The following TRPC1 variants were observed in gnomAD, a reference collection of about 807,000 sequenced individuals.
TRPC1 encodes the protein short transient receptor potential channel 1.
TRPC1 carries 42 observed loss-of-function variants against 88.2 expected under a neutral mutation model. That is an observed-to-expected ratio of 0.48 (90% confidence interval 0.37 to 0.62). TRPC1 has a LOEUF of 0.62. TRPC1 is among the 20% of genes least tolerant of loss of function. The pLI is 0.00. For missense variants in TRPC1, 699 were observed against 957.3 expected, an observed-to-expected ratio of 0.73 and a Z score of 3.56; for synonymous variants, 288 against 331.8, an observed-to-expected ratio of 0.87 and a Z score of 1.43.
chr3:142,741,636 C>T (rs1329689297), intron 2 of TRPC1, among the ~76,000 whole-genome samples: 4 of 152,120 alleles, frequency 2.6e-5, no homozygotes, highest in African/African-American at 9.7e-5. Context: ...TTCTTTTATT[C>T]AGTAAAGATC....
At position 142,803,381 on chromosome 3, in the gene TRPC1, T is replaced by C. The variant is rs781266250; in HGVS notation, c.1758-596T>C. ...GTTCAAGAAAAAGCCAGGCAGCCAG[T>C]GTGGATGGAATGTGTTGAATCAGAG... is the stretch of plus-strand genomic sequence containing the variant. On this transcript the variant is annotated intron_variant, in intron 10 of 12. Transcript: ENST00000476941. 2.0e-5 allele frequency among the ~76,000 whole-genome samples: 3 copies of C among 152,122 alleles called. No homozygotes were observed. The South Asian group carries it at 6.2e-4, about 32-fold the overall frequency.
intron 4 of TRPC1, among the ~76,000 whole-genome samples, chr3:142,764,204 C>T (rs912166536): frequency 4.0e-5 from 6 of 151,384 alleles, no homozygotes; most frequent in African/African-American, 1.2e-4. Context: ...TTTTATATTA[C>T]CTATTTCTTA....
chr3:142,805,135 C>T lies in TRPC1; in HGVS notation c.2154+505C>T, dbSNP rs879699871. On this transcript the variant is annotated intron_variant, in intron 12 of 12. Coordinates refer to ENST00000476941, the MANE Select transcript of TRPC1 (RefSeq NM_001251845.2). ...AAACAAACAAATATATATATACACA[C>T]ACACACACACACACACACACACACA... Among the ~76,000 whole-genome samples, 996 of 81,520 alleles carry T rather than the reference C, an allele frequency of 0.012. 16 individuals are homozygous for T. The East Asian group carries it at 0.13, about 11-fold the overall frequency. 53.5% of individuals were successfully genotyped at this position (81,520 alleles called of 152,430 possible).
At chr3:142,782,710 G>A (rs1412437456) in intron 6 of TRPC1, among the ~76,000 whole-genome samples, 4 of 151,976 alleles carry the variant, frequency 2.6e-5, no homozygotes, top group African/African-American at 9.7e-5. Flanking sequence ...TGCTCAGATG[G>A]GTGAGTCCAC....
chr3:142,724,405 C>A lies in TRPC1; in HGVS notation c.-155C>A. 1.6e-6 allele frequency: 1 copy of A among 623,220 alleles called. No individual in the cohort carries two copies. The highest frequency in any genetic ancestry group is 2.5e-6 in the Non-Finnish European group (1 of 397,768). The allele number at this position is 623,220 out of a possible 1,614,324, so 38.6% of individuals were successfully genotyped here. ...GGCGAGTGCTGGTTCTCAGGGGAGG[C>A]GACGCCCTTCGGGGCCAACGGGCCT... On this transcript the variant is annotated 5_prime_UTR_variant, in exon 1 of 13. Transcript: ENST00000476941. This position sits in a 1 kb window ranked among gnomAD's most constrained non-coding sequence, Gnocchi z 5.6.
chr3:142,774,715 AT>A (rs150744089), intron 4 of TRPC1, among the ~76,000 whole-genome samples: 16 of 148,428 alleles, frequency 1.1e-4, no homozygotes, highest in South Asian at 6.4e-4. Flanking sequence ...AGTTTTATGT[AT>A]TTTTTTTTTG....
intron 4 of TRPC1, among the ~76,000 whole-genome samples, 178 bp from the exon 5 acceptor site, chr3:142,777,454 A>G (rs556517006): frequency 6.6e-6 from 1 of 152,192 alleles, no homozygotes; most frequent in Non-Finnish European, 1.5e-5. Context: ...TTCAATATTT[A>G]TATCTCAAAA....
chr3:142,736,637 C>A, intron 2 of TRPC1, 104 bp downstream of exon 2: 1 of 996,694 alleles, frequency 1.0e-6, no homozygotes, highest in Admixed American at 2.9e-5. Flanking sequence ...CCTCTTCTTC[C>A]TTTCTTTTTC....
At chr3:142,772,945 C>T (rs1408177953) in intron 4 of TRPC1, among the ~76,000 whole-genome samples, 1 of 152,202 alleles carries the variant, frequency 6.6e-6, no homozygotes, top group African/African-American at 2.4e-5. Flanking sequence ...TTCATGTTCA[C>T]ATGACATTCT....
intron 2 of TRPC1, 63 bp from the exon 3 acceptor site, chr3:142,743,422 T>A: frequency 3.3e-6 from 4 of 1,218,500 alleles, no homozygotes; most frequent in Non-Finnish European, 4.5e-6. Context: ...TATGAATTAG[T>A]AAAAAGAAGT....
rs762854141 is a variant in TRPC1 at position 142,806,178 on chromosome 3, A to G, written c.2325A>G (p.Ile775Met). ...RQDLSKFRNE[I>M]RDLLGFRTSK... ...ATCTGTCAAAATTCCGAAATGAAAT[A>G]AGGGATTTACTTGGCTTTCGGACTT... Residue 775 changes from isoleucine (I) to methionine (M), a missense_variant, in exon 13 of 13, where the codon ATA becomes ATG. By Grantham distance (10) the Ile-to-Met change is conservative. This residue lies in a region of TRPC1 where 105 missense variants were observed against 141.7 expected (regional missense o/e 0.74). Coordinates refer to ENST00000476941, the MANE Select transcript of TRPC1 (RefSeq NM_001251845.2). 106 of 1,613,616 alleles carry G rather than the reference A, an allele frequency of 6.6e-5. No individual in the cohort carries two copies. Among genetic ancestry groups the G allele is most frequent in the Non-Finnish European group, 8.6e-5 (102 of 1,179,710 alleles).
chr3:142,777,873 TAC>T (rs1278619527), intron 5 of TRPC1, 110 bp downstream of exon 5: 2 of 1,188,316 alleles, frequency 1.7e-6, no homozygotes, highest in East Asian at 2.8e-5. Context: ...CCAAGAACAC[TAC>T]ACCTTGTTGC....
At chr3:142,797,512 T>C (rs1936489837) in intron 9 of TRPC1, among the ~76,000 whole-genome samples, 2 of 152,104 alleles carry the variant, frequency 1.3e-5, no homozygotes, top group South Asian at 4.1e-4. Flanking sequence ...TCAACATTTA[T>C]GGTACTTGAA....
At chr3:142,731,593 C>T (rs1007458715) in intron 1 of TRPC1, among the ~76,000 whole-genome samples, 4 of 151,632 alleles carry the variant, frequency 2.6e-5, no homozygotes, top group African/African-American at 9.7e-5. Flanking sequence ...ACTGTGTTAG[C>T]CAAGATGGTC....
chr3:142,778,758 A>G (rs1280664002), intron 5 of TRPC1, among the ~76,000 whole-genome samples: 1 of 152,196 alleles, frequency 6.6e-6, no homozygotes, highest in Non-Finnish European at 1.5e-5. Flanking sequence ...GAAGGGCAGT[A>G]AGAAACTTGG....
chr3:142,726,558 A>G (rs1009870905), intron 1 of TRPC1, among the ~76,000 whole-genome samples: 1 of 152,146 alleles, frequency 6.6e-6, no homozygotes, highest in Non-Finnish European at 1.5e-5. Flanking sequence ...AGTGAGCTAA[A>G]ATGGGAATTT....
intron 4 of TRPC1, among the ~76,000 whole-genome samples, chr3:142,768,029 A>G (rs1935458196): frequency 6.6e-6 from 1 of 152,026 alleles, no homozygotes; most frequent in Admixed American, 6.6e-5. Context: ...TGTCATAGCT[A>G]AGAAGCCATT....
intron 9 of TRPC1, among the ~76,000 whole-genome samples, chr3:142,795,267 G>C (rs1185846299): frequency 6.6e-6 from 1 of 151,772 alleles, no homozygotes; most frequent in Non-Finnish European, 1.5e-5. Context: ...TGGAATCCCT[G>C]AAAAAAGGAG....
intron 2 of TRPC1, 148 bp from the exon 3 acceptor site, chr3:142,743,337 T>G: frequency 1.8e-6 from 1 of 558,730 alleles, no homozygotes; most frequent in Non-Finnish European, 3.0e-6. Context: ...AAATGTACTA[T>G]TTGTACAGTC....
Sources: allele counts gnomAD v4.1 joint callset (sites outside exome capture counted in the v4.1 genomes callset), GRCh38; gene constraint gnomAD v4.1.1; regional missense constraint gnomAD v4.1.1; non-coding constraint Gnocchi (gnomAD v3.1); transcripts MANE v1.5; gene names NCBI Gene and HGNC (gene_info 2026-07-23, HGNC 2026-07-21).